SEC24B: variants seen among roughly 807,000 people sequenced by gnomAD.
SEC24B encodes protein transport protein Sec24B.
In SEC24B, 45 loss-of-function variants were observed where a neutral mutation model predicts 142.8. The observed-to-expected ratio is 0.32, with a 90% CI of 0.25 to 0.40. The LOEUF (loss-of-function observed/expected upper bound fraction) is 0.40, where lower values mean the gene tolerates loss of function less well. SEC24B is among the 10% of genes least tolerant of loss of function. SEC24B has a pLI of 1.00. For missense variants in SEC24B, 1,409 were observed against 1,526.8 expected (o/e 0.92, Z 1.29); for synonymous variants, 574 against 568.2 (o/e 1.01, Z -0.15).
At chr4:109,459,480 TCTTTATTAA>T (rs1253011740) in intron 1 of SEC24B, among the ~76,000 whole-genome samples, 24 of 152,348 alleles carry the variant, frequency 1.6e-4, no homozygotes, top group Admixed American at 1.0e-3. Context: ...TTTACATTTG[TCTTTATTAA>T]CTTTAATTAC....
chr4:109,518,371 TAGTG>T (rs1264771458), intron 11 of SEC24B, among the ~76,000 whole-genome samples: 1 of 152,330 alleles, frequency 6.6e-6, no homozygotes, highest in South Asian at 2.1e-4. Flanking sequence ...TTCAGGTTGT[TAGTG>T]AGAGTGGTTC....
chr4:109,434,912 G>A (rs150327298), intron 1 of SEC24B, among the ~76,000 whole-genome samples: 2 of 152,328 alleles, frequency 1.3e-5, no homozygotes, highest in Non-Finnish European at 2.9e-5. Flanking sequence ...CTAATGCTGA[G>A]ATTTGGAATG....
At chr4:109,522,900 T>C (rs1212807227) in intron 14 of SEC24B, among the ~76,000 whole-genome samples, 1 of 152,224 alleles carries the variant, frequency 6.6e-6, no homozygotes, top group Non-Finnish European at 1.5e-5. Flanking sequence ...TATTTTTTTC[T>C]TTTGTTTTTT....
intron 1 of SEC24B, among the ~76,000 whole-genome samples, chr4:109,462,262 C>T (rs922575233): frequency 4.6e-5 from 7 of 152,174 alleles, no homozygotes; most frequent in Non-Finnish European, 8.8e-5. Context: ...CTGATAGCTG[C>T]ATAACAAAAT....
At chr4:109,521,268 C>A in intron 13 of SEC24B, 96 bp downstream of exon 13, 2 of 982,742 alleles carry the variant, frequency 2.0e-6, no homozygotes, top group South Asian at 1.5e-5. Context: ...ATTAGTATTA[C>A]AAATAATAGA....
chr4:109,453,667 A>G (rs2125914668), intron 1 of SEC24B, among the ~76,000 whole-genome samples: 1 of 152,260 alleles, frequency 6.6e-6, no homozygotes, highest in South Asian at 2.1e-4. Context: ...CATATGCTCT[A>G]CAAACAATTT....
intron 2 of SEC24B, among the ~76,000 whole-genome samples, chr4:109,469,057 T>G (rs1373870455): frequency 6.6e-6 from 1 of 152,070 alleles, no homozygotes; most frequent in African/African-American, 2.4e-5. Flanking sequence ...TTTGGGAGGC[T>G]GAGGCAGAAG....
rs2126034662 is a variant in SEC24B at position 109,505,690 on chromosome 4, C to T, written c.1489-638C>T. Among the ~76,000 whole-genome samples, 3 of 152,134 alleles carry T rather than the reference C, an allele frequency of 2.0e-5. No homozygotes were observed. The East Asian group carries it at 5.8e-4, about 29-fold the overall frequency. On this transcript the variant is annotated intron_variant, in intron 6 of 23. Transcript: ENST00000265175. ...CTCTACTTAAAAGGAGCCAAGATTC[C>T]TTTTTAGACAAACAATTCTAGATTT...
chr4:109,461,897 C>G (rs1301619736), intron 1 of SEC24B, among the ~76,000 whole-genome samples: 2 of 152,076 alleles, frequency 1.3e-5, no homozygotes, highest in African/African-American at 4.8e-5. Flanking sequence ...TCACTTGACT[C>G]TAGGAGTTTA....
At chr4:109,483,508 A>G (rs1432634380) in intron 4 of SEC24B, among the ~76,000 whole-genome samples, 4 of 152,074 alleles carry the variant, frequency 2.6e-5, no homozygotes, top group South Asian at 2.1e-4. Flanking sequence ...ATTTTGAAGC[A>G]TTTAAGATTT....
intron 1 of SEC24B, among the ~76,000 whole-genome samples, chr4:109,450,266 A>G (rs1729921133): frequency 6.6e-6 from 1 of 152,106 alleles, no homozygotes; most frequent in Non-Finnish European, 1.5e-5. Flanking sequence ...AGTGAGGTAT[A>G]CCAAATGATT....
At chr4:109,455,845 A>G (rs932460072) in intron 1 of SEC24B, among the ~76,000 whole-genome samples, 3 of 151,750 alleles carry the variant, frequency 2.0e-5, no homozygotes, top group Non-Finnish European at 4.4e-5. Context: ...GTTCCTTTTC[A>G]GTTTTTCTTT....
intron 6 of SEC24B, among the ~76,000 whole-genome samples, chr4:109,502,947 T>C (rs1255965298): frequency 2.0e-5 from 3 of 152,188 alleles, no homozygotes; most frequent in Non-Finnish European, 4.4e-5. Context: ...CTTTTGTGTT[T>C]GTGTATTGTA....
chr4:109,458,792 C>G (rs910375789), intron 1 of SEC24B, among the ~76,000 whole-genome samples: 1 of 150,690 alleles, frequency 6.6e-6, no homozygotes, highest in African/African-American at 2.4e-5. Context: ...AGCAGGTTAT[C>G]TCGGGAAGAT....
intron 1 of SEC24B, among the ~76,000 whole-genome samples, chr4:109,456,651 G>A (rs1730725460): frequency 6.6e-6 from 1 of 152,094 alleles, no homozygotes; most frequent in Admixed American, 6.6e-5. Flanking sequence ...CTATTGATGT[G>A]ATTATGTGGC....
At chr4:109,449,758 A>T (rs1729870625) in intron 1 of SEC24B, among the ~76,000 whole-genome samples, 1 of 151,766 alleles carries the variant, frequency 6.6e-6, no homozygotes, top group East Asian at 1.9e-4. Context: ...CAAAGGCCCC[A>T]CCTCCTAACA....
intron 1 of SEC24B, among the ~76,000 whole-genome samples, chr4:109,457,495 G>T (rs954370406): frequency 3.3e-5 from 5 of 152,236 alleles, no homozygotes; most frequent in African/African-American, 9.6e-5. Flanking sequence ...GGGCAAAGGT[G>T]AGGGCAGAGA....
At position 109,521,511 on chromosome 4, in the gene SEC24B, T is replaced by G; in HGVS notation, c.2393T>G (p.Phe798Cys). 6.2e-7 allele frequency: 1 copy of G among 1,614,166 alleles called. No individual in the cohort carries two copies. Among genetic ancestry groups the G allele is most frequent in the East Asian group, 2.2e-5 (1 of 44,884 alleles). Residue 798 changes from phenylalanine (F) to cysteine (C), a missense_variant, in exon 14 of 24, where the codon TTT (phenylalanine) becomes TGT (cysteine). This residue lies in a region of SEC24B where 700 missense variants were observed against 853.3 expected (regional missense o/e 0.82). Transcript: ENST00000265175. Reference protein sequence around the residue: ...SALGPALQAAFKLMSPTGGRV... With the variant: ...SALGPALQAACKLMSPTGGRV... Reference sequence around the variant, plus strand: ...CTTGGTCCTGCACTTCAGGCTGCCTTTAAATTAATGTCTCCAACAGGTGGC... The same window carrying G: ...CTTGGTCCTGCACTTCAGGCTGCCTGTAAATTAATGTCTCCAACAGGTGGC...
intron 2 of SEC24B, among the ~76,000 whole-genome samples, chr4:109,465,267 A>G (rs373975474): frequency 2.0e-5 from 3 of 152,238 alleles, no homozygotes; most frequent in East Asian, 3.8e-4. Flanking sequence ...CTGGCTGTCT[A>G]CCAGAATCAC....
Sources: allele counts gnomAD v4.1 joint callset (sites outside exome capture counted in the v4.1 genomes callset), GRCh38; gene constraint gnomAD v4.1.1; regional missense constraint gnomAD v4.1.1; transcripts MANE v1.5; gene names NCBI Gene and HGNC (gene_info 2026-07-23, HGNC 2026-07-21).